Variants in RABGAP1 observed in about 807,000 individuals in gnomAD.
RABGAP1 encodes rab GTPase-activating protein 1.
In RABGAP1, 23 loss-of-function variants were observed where a neutral mutation model predicts 137.6. That is an observed-to-expected ratio of 0.17 (90% confidence interval 0.12 to 0.24). The LOEUF is 0.24. Among genes scored for constraint, RABGAP1 ranks in the 10% least tolerant of loss-of-function variants. The probability of loss-of-function intolerance (pLI) is 1.00; values close to 1 mark genes in which losing one functional copy is unlikely to be tolerated. For missense variants in RABGAP1, 906 were observed against 1,275.8 expected (o/e 0.71, Z 4.42); for synonymous variants, 451 against 450.7 (o/e 1.00, Z -0.01).
intron 13 of RABGAP1, among the ~76,000 whole-genome samples, chr9:123,044,227 T>C (rs1183683301): frequency 1.3e-5 from 2 of 152,144 alleles, no homozygotes; most frequent in Non-Finnish European, 2.9e-5. Flanking sequence ...CTATGAAAAG[T>C]GTAGACCACA....
intron 13 of RABGAP1, among the ~76,000 whole-genome samples, chr9:123,051,466 C>CG (rs1400856505): frequency 6.6e-6 from 1 of 151,166 alleles, no homozygotes; most frequent in Non-Finnish European, 1.5e-5. Flanking sequence ...AGACTGGTCT[C>CG]GAACTCCCGA....
chr9:122,947,138 A>G (rs1037985890), intron 1 of RABGAP1, among the ~76,000 whole-genome samples: 2 of 152,194 alleles, frequency 1.3e-5, no homozygotes, highest in African/African-American at 4.8e-5. Context: ...AATGTGGCAT[A>G]CATACATTGA....
At chr9:123,034,476 A>G in intron 13 of RABGAP1, 1 of 789,678 alleles carries the variant, frequency 1.3e-6, no homozygotes, top group Non-Finnish European at 2.1e-6. Flanking sequence ...ACACACATGC[A>G]AAGCTGACCG....
chr9:122,998,637 A>T lies in RABGAP1; in HGVS notation c.1245A>T (p.Ile415=), dbSNP rs1837163022. Residue 415 remains isoleucine (I), a synonymous_variant, in exon 10 of 26, where the codon ATA becomes ATT. Transcript: ENST00000373647. The part of the protein sequence containing the change: ...LFMTTAVDLV[I]TEVQEPVRFL... Reference sequence around the variant, plus strand: ...TGACCACAGCTGTAGATTTGGTAATAACAGAAGTACAGGAGCCTGTTCGAT... The same window carrying T: ...TGACCACAGCTGTAGATTTGGTAATTACAGAAGTACAGGAGCCTGTTCGAT... 1.9e-6 allele frequency: 3 copies of T among 1,610,660 alleles called. No individual in the cohort carries two copies. The highest frequency in any genetic ancestry group is 2.5e-6 in the Non-Finnish European group (3 of 1,177,466).
chr9:123,089,740 C>T lies in RABGAP1; in HGVS notation c.2425-18C>T, dbSNP rs1437171088. ...ACTTTCTAATACTTCTTAATTTACC[C>T]TATGATTTATCCTACAGATTAGTCA... On this transcript the variant is annotated intron_variant, in intron 19 of 25. Transcript: ENST00000373647. 1 of 1,593,966 alleles carries T rather than the reference C, an allele frequency of 6.3e-7. No homozygotes were observed.
intron 2 of RABGAP1, among the ~76,000 whole-genome samples, chr9:122,974,284 C>T (rs1413476322): frequency 6.6e-6 from 1 of 152,024 alleles, no homozygotes; most frequent in Admixed American, 6.6e-5. Context: ...TAAGAGTGCC[C>T]TGTACAAACA....
At chr9:123,053,145 T>TG (rs763083164) in intron 13 of RABGAP1, among the ~76,000 whole-genome samples, 1 of 152,216 alleles carries the variant, frequency 6.6e-6, no homozygotes, top group Non-Finnish European at 1.5e-5. Context: ...ATAATGTTAC[T>TG]GGGTTTTTTT....
chr9:122,932,954 G>C, the RABGAP1 span, among the ~76,000 whole-genome samples: 1 of 152,196 alleles, frequency 6.6e-6, no homozygotes, highest in Non-Finnish European at 1.5e-5. Context: ...AAGATACTTT[G>C]TATGATATCT....
intron 13 of RABGAP1, among the ~76,000 whole-genome samples, chr9:123,024,595 G>A (rs140921443): frequency 2.6e-3 from 389 of 151,902 alleles, no homozygotes; most frequent in African/African-American, 9.0e-3. Context: ...GCATGCCACC[G>A]TGCCTGGCTA....
chr9:123,017,928 T>C (rs551970138), intron 12 of RABGAP1, among the ~76,000 whole-genome samples: 2 of 152,368 alleles, frequency 1.3e-5, no homozygotes, highest in African/African-American at 4.8e-5. Flanking sequence ...GGCTGGTTTA[T>C]TTAACTCTAT....
intron 13 of RABGAP1, among the ~76,000 whole-genome samples, chr9:123,044,581 A>G: frequency 6.6e-6 from 1 of 151,960 alleles, no homozygotes; most frequent in East Asian, 1.9e-4. Context: ...GCTGGAATGC[A>G]TCCTTCTTTG....
At chr9:123,061,681 CAAACA>C (rs539339294) in intron 13 of RABGAP1, among the ~76,000 whole-genome samples, 39 of 152,210 alleles carry the variant, frequency 2.6e-4, no homozygotes, top group Admixed American at 1.1e-3. Context: ...ACCAGTTGAT[CAAACA>C]AAACAAAACA....
At chr9:123,010,319 T>C (rs979568289) in intron 10 of RABGAP1, 35 bp from the exon 11 acceptor site, 2 of 1,543,426 alleles carry the variant, frequency 1.3e-6, no homozygotes, top group Non-Finnish European at 1.8e-6. Flanking sequence ...TAAAGAACTT[T>C]ACTGCTTAAT....
Position 123,103,229 on chromosome 9 carries a change from C to T in RABGAP1, c.*16C>T, listed in dbSNP as rs1226103345. The T allele has an allele frequency of 6.2e-7, 1 of 1,612,760 alleles. No homozygotes were observed. Among genetic ancestry groups the T allele is most frequent in the South Asian group, 1.1e-5 (1 of 90,808 alleles). ...GACTTGCTGAGAGCAGCTGCCGCCT[C>T]CCGACACCTTCAGAAAACACGACAC... On this transcript the variant is annotated 3_prime_UTR_variant, in exon 26 of 26. Coordinates refer to ENST00000373647, the MANE Select transcript of RABGAP1 (RefSeq NM_012197.4).
In RABGAP1 at chr9:123,016,696, C is replaced by T. The variant is rs2031255681; in HGVS notation, c.1643+1060C>T. Among the ~76,000 whole-genome samples, 4 of 152,144 alleles carry T rather than the reference C, an allele frequency of 2.6e-5. No homozygotes were observed. In the South Asian group the frequency reaches 8.3e-4, roughly 31 times the overall value. The stretch of plus-strand genomic sequence containing the variant: ...AAGTGATCTGAACACTTCTCTATTT[C>T]TGACATTCTGGTTACTAGGGTTGTC... On this transcript the variant is annotated intron_variant, in intron 12 of 25. Coordinates refer to ENST00000373647, the MANE Select transcript of RABGAP1 (RefSeq NM_012197.4).
chr9:122,973,522 C>T (rs779915779), intron 2 of RABGAP1, among the ~76,000 whole-genome samples: 9 of 152,086 alleles, frequency 5.9e-5, no homozygotes, highest in South Asian at 2.1e-4. Context: ...CATGAGCCAC[C>T]GAGCCTGGCC....
chr9:123,050,479 T>A (rs1006204655), intron 13 of RABGAP1, among the ~76,000 whole-genome samples: 1 of 152,208 alleles, frequency 6.6e-6, no homozygotes, highest in Non-Finnish European at 1.5e-5. Flanking sequence ...AGAGGTCCCA[T>A]GGTTCCTAGT....
rs562067332 is a variant in RABGAP1 at position 123,100,468 on chromosome 9, G to A, written c.2889+919G>A. ...GACAGAGTCTTGCTCTGTCATCCAG[G>A]CTAGAGTGCAGTGGCGCCATCTCGG... is the stretch of plus-strand genomic sequence containing the variant. On this transcript the variant is annotated intron_variant, in intron 24 of 25. Transcript: ENST00000373647. Among the ~76,000 whole-genome samples the A allele has an allele frequency of 2.0e-5, 3 of 150,952 alleles. No homozygotes were observed. The East Asian group carries it at 6.0e-4, about 30-fold the overall frequency.
At chr9:122,971,101 TCTC>T (rs1835445927) in intron 2 of RABGAP1, among the ~76,000 whole-genome samples, 1 of 152,126 alleles carries the variant, frequency 6.6e-6, no homozygotes, top group African/African-American at 2.4e-5. Flanking sequence ...GGAGCTGAGA[TCTC>T]CTCAGAAAGT....
Sources: gnomAD v4.1 joint callset for allele counts (sites outside exome capture counted in the v4.1 genomes callset) on GRCh38, gnomAD v4.1.1 for gene constraint, MANE v1.5 for transcripts, NCBI Gene and HGNC (gene_info 2026-07-23, HGNC 2026-07-21) for gene names.